Variants in LMO7 observed in about 807,000 individuals in gnomAD.
The protein encoded by LMO7 is LIM domain 7.
In LMO7, 120 loss-of-function variants were observed where a neutral mutation model predicts 206.5. The observed-to-expected ratio is 0.58, with a 90% CI of 0.50 to 0.68. LMO7 has a LOEUF of 0.68. LMO7 is among the 30% of genes least tolerant of loss of function. The pLI is 0.00. For missense variants in LMO7, 1,959 were observed against 1,957.9 expected (o/e 1.00, Z -0.01); for synonymous variants, 706 against 681.5 (o/e 1.04, Z -0.56).
rs757424495 is a variant in LMO7, at chr13:75,807,975, A to T, written c.1692A>T (p.Thr564=). The T allele has an allele frequency of 5.7e-5, 92 of 1,613,980 alleles. 4 individuals carry two copies. In the South Asian group the frequency reaches 9.8e-4, roughly 17 times the overall value. Residue 564 remains threonine, a synonymous_variant, in exon 10 of 31, where the codon ACA becomes ACT. Transcript: ENST00000377534. ...QAKFLCVLER[T]CPSKEKSNSC... The stretch of plus-strand genomic sequence containing the variant: ...AATTTCTCTGTGTACTTGAAAGGAC[A>T]TGCCCATCCAAAGAAAAAAGTAATA...
intron 4 of LMO7, among the ~76,000 whole-genome samples, chr13:75,789,546 G>T (rs1275142206): frequency 1.3e-5 from 2 of 152,186 alleles, no homozygotes; most frequent in Admixed American, 1.3e-4. Context: ...TCTGTGAGTG[G>T]CTTTGATAGC....
intron 4 of LMO7, among the ~76,000 whole-genome samples, chr13:75,786,184 A>G (rs908587266): frequency 6.6e-6 from 1 of 152,170 alleles, no homozygotes; most frequent in African/African-American, 2.4e-5. Flanking sequence ...TAAAGGACAC[A>G]ATGTAGAATA....
intron 27 of LMO7, among the ~76,000 whole-genome samples, chr13:75,851,835 A>T (rs1256912952): frequency 6.6e-6 from 1 of 152,124 alleles, no homozygotes; most frequent in African/African-American, 2.4e-5. Context: ...AAATTTAGGG[A>T]TTCAGGTGCT....
intron 1 of LMO7, among the ~76,000 whole-genome samples, chr13:75,686,518 T>C (rs1043411778): frequency 1.4e-5 from 2 of 142,028 alleles, no homozygotes; most frequent in Non-Finnish European, 3.1e-5. Flanking sequence ...TGCCTGGCCC[T>C]ATCTTACCTT....
At chr13:75,843,911 A>C (rs1340635383) in intron 25 of LMO7, among the ~76,000 whole-genome samples, 1 of 152,208 alleles carries the variant, frequency 6.6e-6, no homozygotes, top group Non-Finnish European at 1.5e-5. Flanking sequence ...GGGGAAAAGG[A>C]AAGGGACAAG....
intron 15 of LMO7, among the ~76,000 whole-genome samples, chr13:75,832,247 ATAACT>A (rs541020886): frequency 2.6e-4 from 39 of 152,314 alleles, no homozygotes; most frequent in African/African-American, 8.4e-4. Context: ...GGTTTAGAAA[ATAACT>A]TAAGTTCCAT....
At chr13:75,693,831 T>C (rs938282321) in intron 1 of LMO7, among the ~76,000 whole-genome samples, 7 of 152,182 alleles carry the variant, frequency 4.6e-5, no homozygotes, top group African/African-American at 1.7e-4. Context: ...CTCCTCTTTG[T>C]GACTGCCTTC....
intron 4 of LMO7, among the ~76,000 whole-genome samples, chr13:75,761,750 A>G (rs1327291920): frequency 2.0e-5 from 3 of 152,266 alleles, no homozygotes; most frequent in East Asian, 3.9e-4. Context: ...CAGGCAATCA[A>G]TAATCATGTT....
intron 9 of LMO7, 188 bp downstream of exon 9, chr13:75,805,948 A>C: frequency 8.8e-7 from 1 of 1,135,320 alleles, no homozygotes; most frequent in East Asian, 2.5e-5. Flanking sequence ...AGATCTTAAA[A>C]AGCCCTGTTC....
At chr13:75,805,927 C>A in intron 9 of LMO7, 167 bp downstream of exon 9, 1 of 1,114,324 alleles carries the variant, frequency 9.0e-7, no homozygotes, top group Non-Finnish European at 1.3e-6. Flanking sequence ...TAAATTTAAA[C>A]CTGAGGATCT....
chr13:75,723,939 G>C (rs1007918720), intron 2 of LMO7, among the ~76,000 whole-genome samples: 3 of 152,126 alleles, frequency 2.0e-5, no homozygotes, highest in Non-Finnish European at 2.9e-5. Context: ...GTGAGGACCT[G>C]CTTCCTTCAT....
intron 14 of LMO7, among the ~76,000 whole-genome samples, chr13:75,822,896 A>C (rs1009632355): frequency 8.0e-5 from 12 of 150,340 alleles, no homozygotes; most frequent in African/African-American, 2.9e-4. Context: ...ATAAAAATAA[A>C]AGTTCCAATT....
In LMO7 at chr13:75,838,407, T is replaced by C. The variant is rs372881298; in HGVS notation, c.3451+211T>C. Reference sequence around the variant, plus strand: ...CTCTGTGGTAATGGGTCTTTGTGTGTCCTTTGTATACCTCTAAACATTTTA... The same window carrying C: ...CTCTGTGGTAATGGGTCTTTGTGTGCCCTTTGTATACCTCTAAACATTTTA... On this transcript the variant is annotated intron_variant, in intron 20 of 30. Transcript: ENST00000377534. 4.9e-5 allele frequency: 65 copies of C among 1,332,016 alleles called. No homozygotes were observed. In the East Asian group the frequency reaches 9.3e-4, roughly 19 times the overall value. The allele number at this position is 1,332,016 out of a possible 1,614,324, so 82.5% of individuals were successfully genotyped here.
At chr13:75,649,943 A>C (rs1385217223) in intron 1 of LMO7, among the ~76,000 whole-genome samples, 1 of 152,168 alleles carries the variant, frequency 6.6e-6, no homozygotes, top group African/African-American at 2.4e-5. Context: ...AGGGGAAAAT[A>C]TCTCTTATGT....
At chr13:75,738,088 T>C (rs2046098466) in intron 3 of LMO7, among the ~76,000 whole-genome samples, 1 of 152,030 alleles carries the variant, frequency 6.6e-6, no homozygotes, top group Admixed American at 6.5e-5. Flanking sequence ...GTTTTTTTTT[T>C]GGCTCATTCA....
At chr13:75,741,275 A>G (rs914681200) in intron 3 of LMO7, among the ~76,000 whole-genome samples, 1 of 152,252 alleles carries the variant, frequency 6.6e-6, no homozygotes, top group East Asian at 1.9e-4. Context: ...CAAAACACCA[A>G]TAACAAAAAC....
In LMO7 at chr13:75,629,003, G is replaced by T. The variant is rs758927527; in HGVS notation, c.225+5683G>T. Among the ~76,000 whole-genome samples the T allele has an allele frequency of 2.6e-5, 4 of 152,254 alleles. No individual in the cohort carries two copies. In the South Asian group the frequency reaches 8.3e-4, roughly 31 times the overall value. ...CACAGGGGCTGATTTGCCCCCAGGGGACGTCTGGCGGTGTCTGGAAACGTT... is the reference window on the plus strand; with the variant it reads ...CACAGGGGCTGATTTGCCCCCAGGGTACGTCTGGCGGTGTCTGGAAACGTT... On this transcript the variant is annotated intron_variant, in intron 2 of 29. Coordinates refer to the LMO7 transcript ENST00000341547.
chr13:75,685,897 T>G (rs970809700), intron 1 of LMO7, among the ~76,000 whole-genome samples: 1 of 145,204 alleles, frequency 6.9e-6, no homozygotes, highest in African/African-American at 2.5e-5. Flanking sequence ...TCTCTTTTTT[T>G]TTTTTTTTTT....
intron 4 of LMO7, among the ~76,000 whole-genome samples, chr13:75,786,963 A>T (rs954049901): frequency 2.0e-5 from 3 of 152,200 alleles, no homozygotes; most frequent in Admixed American, 2.0e-4. Flanking sequence ...TTAAGGACAT[A>T]GTATCAGTGA....
Sources: gnomAD v4.1 joint callset for allele counts (sites outside exome capture counted in the v4.1 genomes callset) on GRCh38, gnomAD v4.1.1 for gene constraint, MANE v1.5 for transcripts, NCBI Gene and HGNC (gene_info 2026-07-23, HGNC 2026-07-21) for gene names.